The following TAF3 variants were observed in gnomAD, a reference collection of about 807,000 sequenced individuals.
TAF3 encodes TATA-box binding protein associated factor 3, also known as transcription initiation factor TFIID subunit 3.
In TAF3, 7 loss-of-function variants were observed where a neutral mutation model predicts 80.6. The ratio of observed to expected loss-of-function variants is 0.09; its 90% CI spans 0.05 to 0.16. TAF3 has a LOEUF of 0.16. Ranked by LOEUF, TAF3 falls within the 10% of genes least tolerant of loss-of-function variation. The pLI is 1.00. For missense variants in TAF3, 921 were observed against 1,140.2 expected (o/e 0.81, Z 2.77); for synonymous variants, 444 against 446.1 (o/e 1.00, Z 0.06).
chr10:7,881,496 C>T (rs1375143135), intron 2 of TAF3, among the ~76,000 whole-genome samples: 1 of 151,604 alleles, frequency 6.6e-6, no homozygotes, highest in Non-Finnish European at 1.5e-5. Flanking sequence ...CACAAACACA[C>T]ACACACACAC....
chr10:7,908,500 C>G (rs1361865471), intron 2 of TAF3, among the ~76,000 whole-genome samples: 1 of 152,152 alleles, frequency 6.6e-6, no homozygotes, highest in Non-Finnish European at 1.5e-5. Flanking sequence ...GGCCATAGAC[C>G]TAACACCTTA....
At chr10:7,977,090 A>T in intron 3 of TAF3, 151 bp from the exon 4 acceptor site, 1 of 667,260 alleles carries the variant, frequency 1.5e-6, no homozygotes, top group Middle Eastern at 2.5e-4. Flanking sequence ...AGTTGTACAG[A>T]ATGGCCCAGA....
chr10:7,886,797 C>A (rs1373412755), intron 2 of TAF3, among the ~76,000 whole-genome samples: 1 of 152,032 alleles, frequency 6.6e-6, no homozygotes, highest in Non-Finnish European at 1.5e-5. Flanking sequence ...CTTGTGTAAG[C>A]CTTATTCAGG....
In TAF3 at chr10:7,942,025, GT is replaced by G. The variant is rs1018277937; in HGVS notation, c.410-21888del. Among the ~76,000 whole-genome samples, 155 of 152,260 alleles carry G rather than the reference GT, an allele frequency of 1.0e-3. 1 individual carries two copies. The highest frequency in any genetic ancestry group is 5.7e-4 in the Non-Finnish European group (39 of 68,010). ...GTCAGGAATATTTGTTTTGAGGTCA[GT>G]TTTTTTGCTTCACAAGTGGGGTTGT... On this transcript the variant is annotated intron_variant, in intron 2 of 6. Coordinates refer to ENST00000344293, the MANE Select transcript of TAF3 (RefSeq NM_031923.4).
At chr10:7,945,534 C>T (rs908826995) in intron 2 of TAF3, among the ~76,000 whole-genome samples, 3 of 152,092 alleles carry the variant, frequency 2.0e-5, no homozygotes, top group African/African-American at 4.8e-5. Flanking sequence ...TCCCTTTGGC[C>T]GCAGACACTC....
intron 2 of TAF3, among the ~76,000 whole-genome samples, chr10:7,912,037 A>T (rs140686578): frequency 1.5e-3 from 234 of 152,236 alleles, no homozygotes; most frequent in African/African-American, 5.3e-3. Flanking sequence ...ATTATTCATG[A>T]TTTACTTATT....
At chr10:7,893,303 A>C (rs1338297150) in intron 2 of TAF3, among the ~76,000 whole-genome samples, 1 of 152,240 alleles carries the variant, frequency 6.6e-6, no homozygotes, top group Non-Finnish European at 1.5e-5. Context: ...ACTAATGATG[A>C]ATTAGTACAA....
intron 4 of TAF3, among the ~76,000 whole-genome samples, chr10:7,979,409 T>C (rs1056311632): frequency 6.6e-6 from 1 of 152,108 alleles, no homozygotes; most frequent in East Asian, 1.9e-4. Flanking sequence ...TCACCTGCCT[T>C]TAAGCATCTT....
At chr10:7,889,116 G>A (rs1046288086) in intron 2 of TAF3, among the ~76,000 whole-genome samples, 1 of 152,062 alleles carries the variant, frequency 6.6e-6, no homozygotes, top group Non-Finnish European at 1.5e-5. Flanking sequence ...TGTGGACGTC[G>A]ACATTACTGA....
intron 2 of TAF3, among the ~76,000 whole-genome samples, chr10:7,839,484 T>C (rs1398925083): frequency 6.6e-6 from 1 of 152,148 alleles, no homozygotes; most frequent in Admixed American, 6.5e-5. Flanking sequence ...GGAGGAGCAG[T>C]CGCAAAAATT....
chr10:7,958,747 G>A lies in TAF3; in HGVS notation c.410-5173G>A, dbSNP rs528340022. Among the ~76,000 whole-genome samples, 19 of 152,288 alleles carry A rather than the reference G, an allele frequency of 1.2e-4. No homozygotes were observed. The East Asian group carries it at 2.7e-3, about 22-fold the overall frequency. ...GATTATTATGCTTCATAACTTCCAC[G>A]CGCGTTACTTATTCCTGCTGGTAGG... On this transcript the variant is annotated intron_variant, in intron 2 of 6. Transcript: ENST00000344293.
At chr10:7,966,024 A>T (rs900001156) in intron 3 of TAF3, among the ~76,000 whole-genome samples, 2 of 152,088 alleles carry the variant, frequency 1.3e-5, no homozygotes, top group African/African-American at 2.4e-5. Context: ...TGGCAGCTTA[A>T]AAAAAACAAA....
intron 2 of TAF3, among the ~76,000 whole-genome samples, chr10:7,844,659 A>T (rs1182092790): frequency 8.5e-5 from 13 of 152,088 alleles, no homozygotes; most frequent in Admixed American, 8.5e-4. Flanking sequence ...TACAGGCATG[A>T]ACCACCGTGC....
chr10:7,859,259 T>G (rs1359702933), intron 2 of TAF3, among the ~76,000 whole-genome samples: 2 of 110,578 alleles, frequency 1.8e-5, no homozygotes, highest in Non-Finnish European at 3.7e-5. Context: ...AGACTCCATC[T>G]CAATAAATAA....
At chr10:7,967,262 G>A (rs1463837851) in intron 3 of TAF3, among the ~76,000 whole-genome samples, 4 of 152,216 alleles carry the variant, frequency 2.6e-5, no homozygotes, top group Non-Finnish European at 5.9e-5. Flanking sequence ...GTTGGCAGCT[G>A]AGCCCTCAGT....
At chr10:7,825,777 T>C (rs1836734740) in intron 2 of TAF3, among the ~76,000 whole-genome samples, 1 of 152,234 alleles carries the variant, frequency 6.6e-6, no homozygotes, top group African/African-American at 2.4e-5. Flanking sequence ...ACCTTTTGGC[T>C]CTTGTGATTA....
At chr10:7,952,832 A>G (rs935480272) in intron 2 of TAF3, among the ~76,000 whole-genome samples, 1 of 152,220 alleles carries the variant, frequency 6.6e-6, no homozygotes, top group Admixed American at 6.5e-5. Context: ...TTAAAAATAC[A>G]TACCCACTTA....
At chr10:7,900,751 G>A (rs1182801030) in intron 2 of TAF3, among the ~76,000 whole-genome samples, 3 of 152,180 alleles carry the variant, frequency 2.0e-5, no homozygotes, top group Non-Finnish European at 4.4e-5. Context: ...GGAAGGTATA[G>A]GGTAGGGTAG....
chr10:7,838,924 G>GGTGT (rs1836881971), intron 2 of TAF3, among the ~76,000 whole-genome samples: 1 of 55,228 alleles, frequency 1.8e-5, no homozygotes, highest in African/African-American at 7.6e-5. Flanking sequence ...TTTTTTTTTT[G>GGTGT]GTTTGTTTGT....
Sources: allele counts gnomAD v4.1 joint callset (sites outside exome capture counted in the v4.1 genomes callset), GRCh38; gene constraint gnomAD v4.1.1; transcripts MANE v1.5; gene names NCBI Gene and HGNC (gene_info 2026-07-23, HGNC 2026-07-21).